The following ATP2B2 variants were observed in gnomAD, a reference collection of about 807,000 sequenced individuals.
ATP2B2 encodes the protein plasma membrane calcium-transporting ATPase 2.
Under a neutral mutation model 120.0 loss-of-function variants are expected in ATP2B2, and 15 were observed. The observed-to-expected ratio is 0.12, with a 90% CI of 0.08 to 0.19. ATP2B2 has a LOEUF of 0.19. Among genes scored for constraint, ATP2B2 ranks in the 10% least tolerant of loss-of-function variants. ATP2B2 has a pLI of 1.00. For synonymous variants in ATP2B2, 694 were observed against 700.3 expected (o/e 0.99, Z 0.14); for missense variants, 1,045 against 1,719.8 (o/e 0.61, Z 6.94).
chr3:10,512,476 A>ACACACG (rs2066787586), intron 3 of ATP2B2, among the ~76,000 whole-genome samples: 1 of 75,788 alleles, frequency 1.3e-5, no homozygotes, highest in African/African-American at 5.4e-5. Context: ...ACACACACAC[A>ACACACG]CACACACACA....
chr3:10,696,479 GTTTCAGCC>G (rs1316136820), intron 1 of ATP2B2, among the ~76,000 whole-genome samples: 2 of 152,082 alleles, frequency 1.3e-5, no homozygotes, highest in Non-Finnish European at 1.5e-5. Context: ...GCCTCCTTTG[GTTTCAGCC>G]TTTCCTCTCC....
chr3:10,651,705 ATGG>A (rs2070468247), intron 1 of ATP2B2, among the ~76,000 whole-genome samples: 5 of 131,872 alleles, frequency 3.8e-5, no homozygotes, highest in African/African-American at 1.2e-4. Context: ...GGAAGGGTGA[ATGG>A]ATGGATGGAT....
chr3:10,483,205 A>G (rs902039667), intron 1 of ATP2B2, among the ~76,000 whole-genome samples: 1 of 152,170 alleles, frequency 6.6e-6, no homozygotes, highest in Non-Finnish European at 1.5e-5. Flanking sequence ...ATTGCTTCTT[A>G]TTTCAGGCCA....
intron 13 of ATP2B2, 104 bp downstream of exon 13, chr3:10,359,778 G>A: frequency 2.6e-6 from 4 of 1,538,312 alleles, no homozygotes; most frequent in Non-Finnish European, 3.6e-6. Context: ...CGGGCAGGCT[G>A]CTGAGCCTGG....
intron 1 of ATP2B2, among the ~76,000 whole-genome samples, chr3:10,621,698 A>C (rs1370581257): frequency 1.3e-5 from 2 of 152,210 alleles, no homozygotes; most frequent in Admixed American, 6.5e-5. Context: ...GGTTCCTTTG[A>C]GCAGGCACAA....
Position 10,342,373 on chromosome 3 carries a change from C to T in ATP2B2, c.2917+379G>A, listed in dbSNP as rs551191008. Among the ~76,000 whole-genome samples the T allele has an allele frequency of 1.4e-4, 22 of 152,180 alleles. No homozygotes were observed. The highest frequency in any genetic ancestry group is 1.2e-3 in the South Asian group (6 of 4,828). On this transcript the variant is annotated intron_variant, in intron 19 of 22. Transcript: ENST00000360273. The surrounding 1 kb of genome is among the most constrained non-coding windows in gnomAD (Gnocchi z 4.4). ...GAAGCCTTGCTGAGGGTCCCTTCCA[C>T]GGGGCCAGGATAAGGTGCTGGAATG...
chr3:10,469,353 G>C (rs1156234187), intron 1 of ATP2B2, among the ~76,000 whole-genome samples: 1 of 152,272 alleles, frequency 6.6e-6, no homozygotes, highest in African/African-American at 2.4e-5. Context: ...ACTAAGGCAA[G>C]TAACTTGCCC....
intron 4 of ATP2B2, among the ~76,000 whole-genome samples, chr3:10,401,565 A>C (rs2062220754): frequency 6.6e-6 from 1 of 152,122 alleles, no homozygotes; most frequent in Non-Finnish European, 1.5e-5. Context: ...CACCTTACCT[A>C]GGACATATCT....
rs1032924817 is a variant in ATP2B2, at chr3:10,421,084, T to C, written c.200-10269A>G. On this transcript the variant is annotated intron_variant, in intron 2 of 22. Coordinates refer to ENST00000360273, the MANE Select transcript of ATP2B2 (RefSeq NM_001001331.4). Reference sequence around the variant, plus strand: ...ACCTACTGAGTCACACACTCTTGGATGGGGCAGGGCCAGCTGCATTGTCCT... The same window carrying C: ...ACCTACTGAGTCACACACTCTTGGACGGGGCAGGGCCAGCTGCATTGTCCT... 3.9e-5 allele frequency among the ~76,000 whole-genome samples: 6 copies of C among 151,922 alleles called. No individual in the cohort carries two copies. In the South Asian group the frequency reaches 6.3e-4, roughly 16 times the overall value.
chr3:10,567,743 G>C (rs1276478022), intron 2 of ATP2B2, among the ~76,000 whole-genome samples: 2 of 152,146 alleles, frequency 1.3e-5, no homozygotes, highest in Admixed American at 1.3e-4. Context: ...TGTGTGCTTG[G>C]CTTGAGGAAT....
rs75080233 is a variant in ATP2B2 at position 10,587,724 on chromosome 3, A to C, written c.-415+32193T>G. ...CTTCTTTTGCTAGAACATAAGCTCC[A>C]AGAAAGCAAGTGTTTCTGGTTTTTT... On this transcript the variant is annotated intron_variant, in intron 2 of 21. Transcript: ENST00000646379. 2.9e-3 allele frequency among the ~76,000 whole-genome samples: 432 copies of C among 148,376 alleles called. 10 individuals carry two copies. The East Asian group carries it at 0.051, about 18-fold the overall frequency.
At chr3:10,443,626 G>A (rs1025454551) in intron 2 of ATP2B2, among the ~76,000 whole-genome samples, 14 of 152,328 alleles carry the variant, frequency 9.2e-5, no homozygotes, top group African/African-American at 2.9e-4. Flanking sequence ...GAAAGTAGGA[G>A]AGGGAAGGAC....
Position 10,340,148 on chromosome 3 carries a change from T to C in ATP2B2, c.3237+94A>G. 3.2e-6 allele frequency: 4 copies of C among 1,234,548 alleles called. No individual in the cohort carries two copies. In the East Asian group the frequency reaches 9.5e-5, roughly 29 times the overall value. 76.5% of individuals were successfully genotyped at this position (1,234,548 alleles called of 1,614,324 possible). ...GATAGGGAGGAGCTTGCCTGGGGTC[T>C]GGCAGCCCATTCCTGGGGGTCCTGG... On this transcript the variant is annotated intron_variant, in intron 21 of 22. Transcript: ENST00000360273. This position sits in a 1 kb window ranked among gnomAD's most constrained non-coding sequence, Gnocchi z 5.0.
chr3:10,365,503 C>A (rs192499703), intron 12 of ATP2B2, among the ~76,000 whole-genome samples: 2 of 152,034 alleles, frequency 1.3e-5, no homozygotes, highest in Non-Finnish European at 1.5e-5. Context: ...TGCGGGTGTC[C>A]GGGACGACAG....
intron 1 of ATP2B2, among the ~76,000 whole-genome samples, chr3:10,675,346 G>A (rs558618570): frequency 6.6e-5 from 10 of 152,306 alleles, no homozygotes; most frequent in African/African-American, 1.7e-4. Flanking sequence ...CGTTGACCAC[G>A]TTCCCTTGTG....
chr3:10,626,558 G>A (rs2125632029), intron 1 of ATP2B2: 1 of 146,674 alleles, frequency 6.8e-6, no homozygotes, highest in African/African-American at 2.6e-5. Context: ...GATGGAGAGA[G>A]AAGGGGATGG....
At chr3:10,446,796 G>A (rs1407710705) in intron 2 of ATP2B2, among the ~76,000 whole-genome samples, 1 of 152,226 alleles carries the variant, frequency 6.6e-6, no homozygotes, top group Non-Finnish European at 1.5e-5. Flanking sequence ...GGAGACCAAG[G>A]CTCAGAGAGG....
chr3:10,626,042 T>C (rs1037534078), intron 1 of ATP2B2: 4 of 141,838 alleles, frequency 2.8e-5, no homozygotes, highest in Non-Finnish European at 6.0e-5. Context: ...TTTATTTTGG[T>C]TGAAAAAAAG....
rs146540725 is a variant in ATP2B2 at position 10,428,589 on chromosome 3, G to A, written c.200-17774C>T. On this transcript the variant is annotated intron_variant, in intron 2 of 22. Coordinates refer to ENST00000360273, the MANE Select transcript of ATP2B2 (RefSeq NM_001001331.4). ...CACCTGGTTGCCTAGCAACATCTCC[G>A]CAGCCACTTGAAATTTTATGGGGAG... Among the ~76,000 whole-genome samples the A allele has an allele frequency of 1.5e-3, 227 of 152,240 alleles. 7 individuals carry two copies. In the South Asian group the frequency reaches 0.034, roughly 23 times the overall value.
Sources: allele counts gnomAD v4.1 joint callset (sites outside exome capture counted in the v4.1 genomes callset), GRCh38; gene constraint gnomAD v4.1.1; non-coding constraint Gnocchi (gnomAD v3.1); transcripts MANE v1.5; gene names NCBI Gene and HGNC (gene_info 2026-07-23, HGNC 2026-07-21).